DOK6: variants seen among roughly 807,000 people sequenced by gnomAD.
The protein encoded by DOK6 is downstream of tyrosine kinase 6.
In DOK6, 22 loss-of-function variants were observed where a neutral mutation model predicts 44.0. The observed-to-expected ratio is 0.50, with a 90% CI of 0.36 to 0.71. The LOEUF (loss-of-function observed/expected upper bound fraction) is 0.71. Among genes scored for constraint, DOK6 ranks in the 30% least tolerant of loss-of-function variants. The pLI, the probability that DOK6 is intolerant of heterozygous loss-of-function variation, is 0.00. For synonymous variants in DOK6, 166 were observed against 145.5 expected (o/e 1.14, Z -1.01); for missense variants, 340 against 416.4 (o/e 0.82, Z 1.60).
At chr18:69,800,131 T>C (rs935971269) in intron 7 of DOK6, among the ~76,000 whole-genome samples, 9 of 152,226 alleles carry the variant, frequency 5.9e-5, no homozygotes, top group Admixed American at 4.6e-4. Flanking sequence ...TCAGTTTGGC[T>C]TATTTTTTCT....
At chr18:69,744,283 C>A (rs1308426577) in intron 6 of DOK6, among the ~76,000 whole-genome samples, 1 of 148,808 alleles carries the variant, frequency 6.7e-6, no homozygotes, top group African/African-American at 2.5e-5. Flanking sequence ...GCATTCCAGC[C>A]TGGGCAACAG....
chr18:69,509,662 A>AAAAAC (rs1555708299), intron 1 of DOK6, among the ~76,000 whole-genome samples: 1 of 118,112 alleles, frequency 8.5e-6, no homozygotes, highest in African/African-American at 2.7e-5. Context: ...AAAAAAAAAA[A>AAAAAC]ACACACAAGT....
rs532659068 is a variant in DOK6, at chr18:69,681,906, T to C, written c.409+4053T>C. Among the ~76,000 whole-genome samples the C allele has an allele frequency of 4.7e-4, 71 of 152,340 alleles. No homozygotes were observed. The South Asian group carries it at 0.014, about 31-fold the overall frequency. On this transcript the variant is annotated intron_variant, in intron 4 of 7. Transcript: ENST00000382713. ...AAGGATAGGTCCAATTTGCTACTGA[T>C]GCAAGAGATCTCCATCTGGAACAAA...
At chr18:69,697,411 T>G (rs545448187) in intron 4 of DOK6, among the ~76,000 whole-genome samples, 1 of 146,018 alleles carries the variant, frequency 6.8e-6, no homozygotes, top group East Asian at 2.0e-4. Flanking sequence ...ATTCTTAAAG[T>G]TTTTCTTATG....
intron 1 of DOK6, among the ~76,000 whole-genome samples, chr18:69,418,242 CA>C (rs1309598583): frequency 6.6e-6 from 1 of 152,026 alleles, no homozygotes; most frequent in Non-Finnish European, 1.5e-5. Context: ...TATTGAAAGA[CA>C]GGGGTCCAGT....
At chr18:69,819,722 G>A (rs924773853) in intron 7 of DOK6, among the ~76,000 whole-genome samples, 5 of 152,154 alleles carry the variant, frequency 3.3e-5, no homozygotes, top group Non-Finnish European at 5.9e-5. Context: ...GTTTCTATGA[G>A]TTTGATGATT....
chr18:69,629,640 A>G (rs981896999), intron 3 of DOK6, among the ~76,000 whole-genome samples: 1 of 152,144 alleles, frequency 6.6e-6, no homozygotes, highest in African/African-American at 2.4e-5. Flanking sequence ...TCACAACTCA[A>G]AGGACTGTTT....
intron 7 of DOK6, among the ~76,000 whole-genome samples, chr18:69,795,647 C>T (rs1980722079): frequency 6.6e-6 from 1 of 152,128 alleles, no homozygotes; most frequent in Admixed American, 6.6e-5. Flanking sequence ...CAACTGTGTG[C>T]TAGGCAAAAG....
intron 1 of DOK6, among the ~76,000 whole-genome samples, chr18:69,483,229 CAT>C (rs747499164): frequency 1.3e-5 from 2 of 151,902 alleles, no homozygotes; most frequent in African/African-American, 2.4e-5. Flanking sequence ...AGAAAACCCC[CAT>C]AGTCTCAGCC....
At chr18:69,686,145 G>A (rs1221774662) in intron 4 of DOK6, among the ~76,000 whole-genome samples, 1 of 151,896 alleles carries the variant, frequency 6.6e-6, no homozygotes, top group Non-Finnish European at 1.5e-5. Flanking sequence ...GAAGAAAATG[G>A]CCCAGTACAA....
At chr18:69,784,508 A>G (rs896184176) in intron 7 of DOK6, among the ~76,000 whole-genome samples, 1 of 151,500 alleles carries the variant, frequency 6.6e-6, no homozygotes, top group Non-Finnish European at 1.5e-5. Context: ...AATATAAAAT[A>G]TTATGATGCA....
chr18:69,565,505 GTGTGTGTGTGTGTGTGTATATATA>G (rs200921239), intron 2 of DOK6, among the ~76,000 whole-genome samples: 1,246 of 16,234 alleles, frequency 0.077, 21 homozygotes, highest in South Asian at 0.4. Flanking sequence ...GTGTGTGTGT[GTGTGTGTGTGTGTGTGTATATATA>G]TATACATAAT....
rs773761589 is a variant in DOK6 at position 69,435,033 on chromosome 18, A to AGGAAGGACGGACGGAC, written c.66+33730_66+33731insCGGACGGACGGAAGGA. Among the ~76,000 whole-genome samples, 15 of 62,998 alleles carry AGGAAGGACGGACGGAC rather than the reference A, an allele frequency of 2.4e-4. 1 individual carries two copies. The highest frequency in any genetic ancestry group is 7.5e-4 in the African/African-American group (13 of 17,428). 41.3% of individuals were successfully genotyped at this position (62,998 alleles called of 152,430 possible). The stretch of plus-strand genomic sequence containing the variant: ...ATTAGTGTAGGGAGGGAGGGAAGGA[A>AGGAAGGACGGACGGAC]GGAAGGAAGGAAGGAAGGAAGGAAG... On this transcript the variant is annotated intron_variant, in intron 1 of 7. Transcript: ENST00000382713.
chr18:69,531,875 G>A (rs771529943), intron 1 of DOK6, among the ~76,000 whole-genome samples: 2 of 152,014 alleles, frequency 1.3e-5, no homozygotes, highest in African/African-American at 2.4e-5. Flanking sequence ...ATTCCCCACC[G>A]CCATTTGTTG....
At chr18:69,725,772 C>A (rs1056334963) in intron 5 of DOK6, among the ~76,000 whole-genome samples, 3 of 152,178 alleles carry the variant, frequency 2.0e-5, no homozygotes, top group African/African-American at 7.2e-5. Flanking sequence ...CACGCATGAG[C>A]CACCCCGCCC....
At chr18:69,446,022 G>A (rs1290364061) in intron 1 of DOK6, among the ~76,000 whole-genome samples, 1 of 151,160 alleles carries the variant, frequency 6.6e-6, no homozygotes, top group Non-Finnish European at 1.5e-5. Context: ...AAAGTTTGTT[G>A]ATAGTATTTA....
At chr18:69,653,956 G>T (rs557215160) in intron 3 of DOK6, among the ~76,000 whole-genome samples, 2 of 152,214 alleles carry the variant, frequency 1.3e-5, no homozygotes, top group South Asian at 4.1e-4. Flanking sequence ...CAATATGAGA[G>T]TCAAAATAGC....
chr18:69,434,795 G>T (rs1393943152), intron 1 of DOK6, among the ~76,000 whole-genome samples: 10 of 151,938 alleles, frequency 6.6e-5, no homozygotes, highest in Admixed American at 6.6e-4. Flanking sequence ...TGTGGCACCC[G>T]CCTGTAATCC....
At chr18:69,647,704 G>T (rs1985119948) in intron 3 of DOK6, among the ~76,000 whole-genome samples, 1 of 152,112 alleles carries the variant, frequency 6.6e-6, no homozygotes, top group African/African-American at 2.4e-5. Context: ...GGGAGTAGGA[G>T]AAATGAAAGG....
Sources: allele counts gnomAD v4.1 joint callset (sites outside exome capture counted in the v4.1 genomes callset), GRCh38; gene constraint gnomAD v4.1.1; transcripts MANE v1.5; gene names NCBI Gene and HGNC (gene_info 2026-07-23, HGNC 2026-07-21).